ASB15: variants seen among roughly 807,000 people sequenced by gnomAD.
ASB15 encodes ankyrin repeat and SOCS box protein 15.
A neutral mutation model predicts 58.0 loss-of-function variants in ASB15; 54 were observed. That is an observed-to-expected ratio of 0.93 (90% CI 0.75 to 1.17). The LOEUF is 1.17. Among genes scored for constraint, ASB15 ranks in the 50% most tolerant of loss-of-function variants. The pLI is 0.00. For synonymous variants in ASB15, 249 were observed against 262.4 expected (o/e 0.95, Z 0.50); for missense variants, 680 against 707.4 (o/e 0.96, Z 0.44).
At chr7:123,597,486 G>C (rs968319756), upstream of ASB15, among the ~76,000 whole-genome samples, 1 of 152,108 alleles carries the variant, frequency 6.6e-6, no homozygotes, top group Non-Finnish European at 1.5e-5. Flanking sequence ...AGCATACATA[G>C]AGTTCTGTAT....
At chr7:123,587,092 A>G (rs1435568401) in intron 1 of ASB15, among the ~76,000 whole-genome samples, 2 of 151,536 alleles carry the variant, frequency 1.3e-5, no homozygotes, top group Non-Finnish European at 1.5e-5. Flanking sequence ...TATTCCTCCC[A>G]TTTCTGTGAA....
upstream of ASB15, among the ~76,000 whole-genome samples, chr7:123,599,320 T>C (rs376290525): frequency 2.2e-4 from 34 of 152,042 alleles, no homozygotes; most frequent in African/African-American, 8.0e-4. Context: ...CTCCCCAAGG[T>C]GTTTGAACAA....
intron 11 of ASB15, among the ~76,000 whole-genome samples, chr7:123,633,641 G>A (rs970036739): frequency 2.6e-5 from 4 of 152,160 alleles, no homozygotes; most frequent in East Asian, 3.9e-4. Flanking sequence ...GTGCACGCGC[G>A]CGCACGTGCG....
chr7:123,594,059 C>T (rs1799623804), intron 1 of ASB15, among the ~76,000 whole-genome samples: 1 of 151,926 alleles, frequency 6.6e-6, no homozygotes, highest in African/African-American at 2.4e-5. Context: ...CCTTCTTCTG[C>T]TTGATCAAAT....
chr7:123,573,370 T>A (rs1337799813), intron 1 of ASB15, among the ~76,000 whole-genome samples: 1 of 147,456 alleles, frequency 6.8e-6, no homozygotes, highest in African/African-American at 2.5e-5. Flanking sequence ...TTTCTTCCCA[T>A]CACCTGACCC....
intron 11 of ASB15, among the ~76,000 whole-genome samples, chr7:123,633,327 TAC>T (rs1802225357): frequency 6.6e-6 from 1 of 151,912 alleles, no homozygotes; most frequent in Non-Finnish European, 1.5e-5. Context: ...ATAATTAGAA[TAC>T]ATATTTTTAA....
Position 123,588,853 on chromosome 7 carries a change from A to G in ASB15, c.-442-15179A>G, listed in dbSNP as rs553634646. On this transcript the variant is annotated intron_variant, in intron 1 of 13. Coordinates refer to the ASB15 transcript ENST00000451558. Reference sequence around the variant, plus strand: ...CACTGGTTTTTCATGAGTGTGTTTAATCTTCACATATTTTTTAATTTTCCC... The same window carrying G: ...CACTGGTTTTTCATGAGTGTGTTTAGTCTTCACATATTTTTTAATTTTCCC... Among the ~76,000 whole-genome samples, 151 of 151,384 alleles carry G rather than the reference A, an allele frequency of 1.0e-3. 1 individual carries two copies. The Middle Eastern group carries it at 0.017, about 17-fold the overall frequency.
chr7:123,594,184 C>CT (rs1251013380), intron 1 of ASB15, among the ~76,000 whole-genome samples: 2 of 151,980 alleles, frequency 1.3e-5, no homozygotes, highest in South Asian at 4.2e-4. Flanking sequence ...TTCCTCTAAC[C>CT]TTTTTTCAAG....
chr7:123,589,301 T>TTTA (rs35194530), intron 1 of ASB15, among the ~76,000 whole-genome samples: 53,810 of 147,356 alleles, frequency 0.37, 10,092 homozygotes, highest in South Asian at 0.4. Flanking sequence ...CTTTCATCTC[T>TTTA]TTATTATTAT....
chr7:123,579,541 A>G (rs954334376), intron 1 of ASB15, among the ~76,000 whole-genome samples: 4 of 151,988 alleles, frequency 2.6e-5, no homozygotes, highest in Non-Finnish European at 5.9e-5. Context: ...TTTTCTCTCT[A>G]TTATCTGCCC....
chr7:123,594,868 G>T (rs1166224860), intron 1 of ASB15, among the ~76,000 whole-genome samples: 1 of 152,198 alleles, frequency 6.6e-6, no homozygotes, highest in Admixed American at 6.5e-5. Flanking sequence ...GCTGCCTTTT[G>T]TTCAGATAGG....
At chr7:123,588,995 C>G (rs1477855440) in intron 1 of ASB15, among the ~76,000 whole-genome samples, 1 of 151,640 alleles carries the variant, frequency 6.6e-6, no homozygotes, top group Non-Finnish European at 1.5e-5. Context: ...CATGATCTAT[C>G]CTGGAGAATA....
chr7:123,619,808 C>T (rs1266309339), intron 7 of ASB15, among the ~76,000 whole-genome samples: 1 of 152,176 alleles, frequency 6.6e-6, no homozygotes, highest in Non-Finnish European at 1.5e-5. Flanking sequence ...CAGGCGTGAG[C>T]CACCGCTCCT....
intron 2 of ASB15, among the ~76,000 whole-genome samples, chr7:123,605,602 A>C (rs747177653): frequency 2.6e-5 from 4 of 152,200 alleles, no homozygotes; most frequent in Admixed American, 2.6e-4. Flanking sequence ...CTAAATGCAC[A>C]ATGACAGTAG....
upstream of ASB15, among the ~76,000 whole-genome samples, chr7:123,598,161 T>C (rs1302311661): frequency 4.6e-5 from 7 of 152,138 alleles, no homozygotes; most frequent in Non-Finnish European, 4.4e-5. Flanking sequence ...ATGCAATGGT[T>C]TCCCTCATGT....
At chr7:123,569,639 C>G (rs936952178) in intron 1 of ASB15, among the ~76,000 whole-genome samples, 1 of 152,092 alleles carries the variant, frequency 6.6e-6, no homozygotes, top group African/African-American at 2.4e-5. Context: ...GAAAGGTGGA[C>G]AAGGTTATTA....
chr7:123,620,688 G>A (rs1244054130), intron 7 of ASB15, among the ~76,000 whole-genome samples: 11 of 141,168 alleles, frequency 7.8e-5, no homozygotes, highest in East Asian at 2.2e-4. Flanking sequence ...TCAGCCTCCC[G>A]AGTAGCTGGG....
intron 10 of ASB15, 41 bp from the exon 11 acceptor site, chr7:123,629,925 A>T (rs1802031830): frequency 1.4e-6 from 2 of 1,432,832 alleles, no homozygotes; most frequent in South Asian, 1.3e-5. Flanking sequence ...TGTATATGAT[A>T]TTAAAAATAC....
rs1801844388 is a variant in ASB15 at position 123,627,160 on chromosome 7, G to A, written c.748G>A (p.Ala250Thr). The A allele has an allele frequency of 1.9e-6, 3 of 1,614,018 alleles. No homozygotes were observed. Among genetic ancestry groups the A allele is most frequent in the Admixed American group, 3.3e-5 (2 of 60,006 alleles). ...ADDGASVLFE[A>T]AGGGNPDCIS... ...TGATGGGGCGTCGGTGCTGTTTGAG[G>A]CAGCAGGAGGTGGCAATCCCGACTG... The change falls in exon 9 of 12, where the codon GCA becomes ACA. Residue 250 changes from alanine to threonine, a missense_variant. Physicochemically the swap from Ala to Thr is moderately conservative, Grantham distance 58 (BLOSUM62 0). Transcript: ENST00000451215.
Sources: gnomAD v4.1 joint callset for allele counts (sites outside exome capture counted in the v4.1 genomes callset) on GRCh38, gnomAD v4.1.1 for gene constraint, MANE v1.5 for transcripts, NCBI Gene and HGNC (gene_info 2026-07-23, HGNC 2026-07-21) for gene names.